Variants in SLC24A2 observed in about 807,000 individuals in gnomAD.
The protein encoded by SLC24A2 is solute carrier family 24 member 2, also known as sodium/potassium/calcium exchanger 2.
SLC24A2 carries 36 observed loss-of-function variants against 62.0 expected under a neutral mutation model. The observed-to-expected ratio is 0.58, with a 90% CI of 0.44 to 0.77. SLC24A2 has a LOEUF of 0.77. Ranked by LOEUF, SLC24A2 falls within the 30% of genes least tolerant of loss-of-function variation. SLC24A2 has a pLI of 0.00. For synonymous variants in SLC24A2, 358 were observed against 294.0 expected, an observed-to-expected ratio of 1.22 and a Z score of -2.23; for missense variants, 846 against 817.9, an observed-to-expected ratio of 1.03 and a Z score of -0.42.
chr9:20,121,912 C>T, the SLC24A2 span, among the ~76,000 whole-genome samples: 16 of 152,288 alleles, frequency 1.1e-4, no homozygotes, highest in South Asian at 1.7e-3. Context: ...GAGCTTTACA[C>T]GTAGCATGCA....
the SLC24A2 span, among the ~76,000 whole-genome samples, chr9:19,821,390 A>T: frequency 1.3e-5 from 2 of 152,146 alleles, no homozygotes; most frequent in Non-Finnish European, 2.9e-5. Context: ...TATAGATTGT[A>T]AACGGATTTA....
chr9:20,196,664 A>G, the SLC24A2 span, among the ~76,000 whole-genome samples: 2 of 152,220 alleles, frequency 1.3e-5, no homozygotes, highest in Admixed American at 6.5e-5. Flanking sequence ...TTTATAGTGC[A>G]TAGGATAATA....
At chr9:19,826,156 A>G in the SLC24A2 span, among the ~76,000 whole-genome samples, 11 of 137,530 alleles carry the variant, frequency 8.0e-5, no homozygotes, top group Admixed American at 2.4e-4. Flanking sequence ...AAGTAGTTTC[A>G]GAAGAATGAT....
the SLC24A2 span, among the ~76,000 whole-genome samples, chr9:19,917,572 T>TATGGATC: frequency 1.3e-5 from 2 of 151,982 alleles, no homozygotes; most frequent in Non-Finnish European, 2.9e-5. Flanking sequence ...TTTTTTTTCA[T>TATGGATC]ATGGATCATG....
At chr9:20,061,825 T>A in the SLC24A2 span, among the ~76,000 whole-genome samples, 1 of 151,502 alleles carries the variant, frequency 6.6e-6, no homozygotes, top group Non-Finnish European at 1.5e-5. Context: ...AAAAAAAAAA[T>A]ACCTGGTAAA....
At chr9:20,146,269 G>C in the SLC24A2 span, among the ~76,000 whole-genome samples, 2 of 152,084 alleles carry the variant, frequency 1.3e-5, no homozygotes, top group Non-Finnish European at 2.9e-5. Flanking sequence ...GAGTCTGGAA[G>C]GCAAATGTTG....
chr9:20,200,588 A>G, the SLC24A2 span, among the ~76,000 whole-genome samples: 1 of 152,196 alleles, frequency 6.6e-6, no homozygotes, highest in Non-Finnish European at 1.5e-5. Flanking sequence ...GGCTTAAAAC[A>G]CCCTACTTTT....
At chr9:19,653,062 A>G (rs536313924) in intron 2 of SLC24A2, among the ~76,000 whole-genome samples, 20 of 152,278 alleles carry the variant, frequency 1.3e-4, no homozygotes, top group Admixed American at 3.3e-4. Flanking sequence ...AAAATGACTT[A>G]TCATAAACTT....
intron 2 of SLC24A2, among the ~76,000 whole-genome samples, chr9:19,685,994 G>C (rs939974315): frequency 1.3e-5 from 2 of 151,990 alleles, no homozygotes; most frequent in Admixed American, 6.6e-5. Context: ...CCTACATAAT[G>C]GGAAAAATAT....
intron 2 of SLC24A2, among the ~76,000 whole-genome samples, chr9:19,775,007 T>C (rs376991335): frequency 6.6e-6 from 1 of 152,208 alleles, no homozygotes; most frequent in Non-Finnish European, 1.5e-5. Flanking sequence ...GAGAAGACGC[T>C]TGGGGCAAAG....
the SLC24A2 span, among the ~76,000 whole-genome samples, chr9:20,247,209 T>C: frequency 2.0e-5 from 3 of 152,282 alleles, no homozygotes; most frequent in African/African-American, 7.2e-5. Flanking sequence ...CTGAGGGCAT[T>C]TCCTGACATC....
At chr9:20,241,359 G>A in the SLC24A2 span, among the ~76,000 whole-genome samples, 1 of 152,140 alleles carries the variant, frequency 6.6e-6, no homozygotes, top group Non-Finnish European at 1.5e-5. Flanking sequence ...TTTGTTGAGG[G>A]TCCACTAGGG....
intron 2 of SLC24A2, among the ~76,000 whole-genome samples, chr9:19,765,728 A>T (rs1822494862): frequency 6.6e-6 from 1 of 151,920 alleles, no homozygotes. Context: ...TGACCTTAAC[A>T]TTTTTTCCTT....
the SLC24A2 span, among the ~76,000 whole-genome samples, chr9:19,808,113 G>A: frequency 1.7e-4 from 26 of 152,234 alleles, no homozygotes; most frequent in African/African-American, 6.3e-4. The surrounding 1 kb of genome is among the most constrained non-coding windows in gnomAD (Gnocchi z 4.1). Flanking sequence ...ATCTTTTTGG[G>A]TTCTTTCTGG....
the SLC24A2 span, among the ~76,000 whole-genome samples, chr9:20,232,116 G>A: frequency 4.6e-4 from 70 of 152,304 alleles, 2 homozygotes; most frequent in South Asian, 0.014. Flanking sequence ...GCTTTTTGAT[G>A]TGCTGCTGGA....
At chr9:19,682,008 C>T (rs772177543) in intron 2 of SLC24A2, among the ~76,000 whole-genome samples, 5 of 152,104 alleles carry the variant, frequency 3.3e-5, no homozygotes, top group African/African-American at 9.7e-5. Context: ...GGTGATTGAT[C>T]GTCCTTTCTT....
chr9:20,107,831 C>G, the SLC24A2 span, among the ~76,000 whole-genome samples: 1 of 152,022 alleles, frequency 6.6e-6, no homozygotes, highest in Non-Finnish European at 1.5e-5. Context: ...CAACAAAAGC[C>G]AAAATTGACA....
the SLC24A2 span, among the ~76,000 whole-genome samples, chr9:19,916,939 T>A: frequency 1.3e-5 from 2 of 150,890 alleles, no homozygotes; most frequent in African/African-American, 2.4e-5. Flanking sequence ...ATGAGTTATA[T>A]GAATTCCAAG....
chr9:19,844,465 G>A, the SLC24A2 span, among the ~76,000 whole-genome samples: 1 of 152,050 alleles, frequency 6.6e-6, no homozygotes. Flanking sequence ...TCTATAGGCT[G>A]TCTGTTTACT....
Sources: gnomAD v4.1 joint callset for allele counts (sites outside exome capture counted in the v4.1 genomes callset) on GRCh38, gnomAD v4.1.1 for gene constraint, Gnocchi (gnomAD v3.1) non-coding constraint, MANE v1.5 for transcripts, NCBI Gene and HGNC (gene_info 2026-07-23, HGNC 2026-07-21) for gene names.